MCF2L2: variants seen among roughly 807,000 people sequenced by gnomAD.
MCF2L2 encodes the protein probable guanine nucleotide exchange factor MCF2L2.
In MCF2L2, 102 loss-of-function variants were observed where a neutral mutation model predicts 150.2. The observed-to-expected ratio is 0.68, with a 90% confidence interval of 0.58 to 0.80. The LOEUF is 0.80. MCF2L2 is among the 30% of genes least tolerant of loss of function. The pLI, the probability that MCF2L2 is intolerant of heterozygous loss-of-function variation, is 0.00. For missense variants in MCF2L2, 1,256 were observed against 1,372.8 expected (o/e 0.91, Z 1.34); for synonymous variants, 465 against 491.3 (o/e 0.95, Z 0.71).
At position 183,270,338 on chromosome 3, in the gene MCF2L2, T is replaced by G; in HGVS notation, c.1862+6534A>C. The stretch of plus-strand genomic sequence containing the variant: ...TACTTATGCAGTTCAGTTGGGCAAA[T>G]ACCTATTGTCCACATGCCAAATTTC... On this transcript the variant is annotated intron_variant, in intron 15 of 29. Coordinates refer to ENST00000328913, the MANE Select transcript of MCF2L2 (RefSeq NM_015078.4). The surrounding 1 kb of genome is among the most constrained non-coding windows in gnomAD (Gnocchi z 4.5). 6.2e-7 allele frequency: 1 copy of G among 1,614,148 alleles called. No homozygotes were observed.
chr3:183,365,263 C>G (rs1263487214), intron 3 of MCF2L2, among the ~76,000 whole-genome samples: 1 of 152,120 alleles, frequency 6.6e-6, no homozygotes, highest in African/African-American at 2.4e-5. Flanking sequence ...TCACTTTGCC[C>G]TACACTGATT....
chr3:183,207,590 C>G lies in MCF2L2; in HGVS notation c.2712+18G>C, dbSNP rs375844872. The G allele has an allele frequency of 2.6e-5, 41 of 1,574,940 alleles. No homozygotes were observed. The African/African-American group carries it at 3.1e-4, about 12-fold the overall frequency. On this transcript the variant is annotated intron_variant, in intron 23 of 29. Coordinates refer to ENST00000328913, the MANE Select transcript of MCF2L2 (RefSeq NM_015078.4). The stretch of plus-strand genomic sequence containing the variant: ...TTCTGCATAGGGCGACTCCCAGATG[C>G]AATAGGACTCCCTTTACCTTCATGG...
chr3:183,324,337 T>A (rs1729939493), intron 5 of MCF2L2, among the ~76,000 whole-genome samples: 4 of 152,142 alleles, frequency 2.6e-5, no homozygotes, highest in Admixed American at 2.6e-4. Flanking sequence ...CTGGGTGTGG[T>A]TCTGGCTCAC....
intron 15 of MCF2L2, 81 bp downstream of exon 15, chr3:183,276,791 G>A (rs1166655379): frequency 1.0e-5 from 9 of 890,938 alleles, no homozygotes; most frequent in African/African-American, 1.7e-5. Flanking sequence ...AAAGACAGGT[G>A]CTGAGGTGTA....
intron 14 of MCF2L2, among the ~76,000 whole-genome samples, chr3:183,282,841 G>A (rs989343341): frequency 9.9e-5 from 15 of 152,190 alleles, no homozygotes; most frequent in Admixed American, 9.2e-4. Flanking sequence ...ACAGCTACAA[G>A]GCCAGTGGGT....
At chr3:183,344,317 T>C (rs554306388) in intron 3 of MCF2L2, among the ~76,000 whole-genome samples, 1 of 152,096 alleles carries the variant, frequency 6.6e-6, no homozygotes, top group African/African-American at 2.4e-5. Flanking sequence ...AACAGAATAC[T>C]GAAAATATTT....
intron 15 of MCF2L2, among the ~76,000 whole-genome samples, chr3:183,261,341 AT>A (rs1427669598): frequency 4.6e-5 from 7 of 152,318 alleles, no homozygotes; most frequent in African/African-American, 1.4e-4. Context: ...CCAGGAAAAA[AT>A]ACTTGGAATA....
chr3:183,181,144 G>A lies in MCF2L2; in HGVS notation c.3017-985C>T, dbSNP rs1373593717. Among the ~76,000 whole-genome samples, 1 of 152,228 alleles carries A rather than the reference G, an allele frequency of 6.6e-6. No individual in the cohort carries two copies. The highest frequency in any genetic ancestry group is 2.4e-5 in the African/African-American group (1 of 41,468). On this transcript the variant is annotated intron_variant, in intron 27 of 29. Coordinates refer to ENST00000328913, the MANE Select transcript of MCF2L2 (RefSeq NM_015078.4). The surrounding 1 kb of genome is among the most constrained non-coding windows in gnomAD (Gnocchi z 4.3). ...AGGACTGGAGAGGGAGGGCATTCTG[G>A]GCAGAGGCATGGCCAGAGGGCGGTA...
intron 1 of MCF2L2, among the ~76,000 whole-genome samples, chr3:183,418,286 C>T (rs1560067233): frequency 1.3e-5 from 2 of 149,836 alleles, no homozygotes; most frequent in South Asian, 2.1e-4. Flanking sequence ...ATCCAATCAC[C>T]TCCCAGGAGG....
rs1027348884 is a variant in MCF2L2, at chr3:183,295,441, C to T, written c.1534G>A (p.Val512Ile). ...AQKVLQRLDD[V>I]QEIFHKRQVS... ...TGCCTCTTGTGAAATATTTCCTGGA[C>T]ATCATCCAGCCTCTGCAAAACTTTC... The change falls in exon 13 of 30, where the codon GTC (valine) becomes ATC (isoleucine). Residue 512 changes from valine to isoleucine, a missense_variant. Coordinates refer to ENST00000328913, the MANE Select transcript of MCF2L2 (RefSeq NM_015078.4). 1 of 1,614,102 alleles carries T rather than the reference C, an allele frequency of 6.2e-7. No individual in the cohort carries two copies. The highest frequency in any genetic ancestry group is 8.5e-7 in the Non-Finnish European group (1 of 1,180,002).
intron 14 of MCF2L2, among the ~76,000 whole-genome samples, chr3:183,284,041 T>C (rs114052360): frequency 0.02 from 3,020 of 152,300 alleles, 60 homozygotes; most frequent in East Asian, 0.052. Flanking sequence ...TTCATATGAC[T>C]CACAGCAATT....
intron 1 of MCF2L2, among the ~76,000 whole-genome samples, chr3:183,417,119 A>G (rs1470074628): frequency 1.8e-5 from 2 of 109,114 alleles, no homozygotes; most frequent in African/African-American, 4.3e-5. Flanking sequence ...CTGTCTCAAA[A>G]AAAAAAAAAA....
At chr3:183,239,275 GC>G (rs2108680442) in intron 15 of MCF2L2, among the ~76,000 whole-genome samples, 1 of 152,094 alleles carries the variant, frequency 6.6e-6, no homozygotes, top group Admixed American at 6.5e-5. Context: ...CAAAACAGAC[GC>G]CGCCCTTAGC....
intron 15 of MCF2L2, among the ~76,000 whole-genome samples, chr3:183,235,277 A>T (rs1184698596): frequency 2.8e-4 from 10 of 36,194 alleles, no homozygotes; most frequent in Non-Finnish European, 3.6e-4. Flanking sequence ...CGCCACACTG[A>T]CTTCCACAAT....
At chr3:183,364,608 A>G (rs1712418384) in intron 3 of MCF2L2, among the ~76,000 whole-genome samples, 1 of 152,168 alleles carries the variant, frequency 6.6e-6, no homozygotes, top group African/African-American at 2.4e-5. Flanking sequence ...TCAAATTCCT[A>G]CTTTTAAAAT....
intron 25 of MCF2L2, among the ~76,000 whole-genome samples, chr3:183,202,479 T>C (rs1722323209): frequency 6.6e-6 from 1 of 152,234 alleles, no homozygotes; most frequent in Non-Finnish European, 1.5e-5. Context: ...CCCACGATCT[T>C]ACCTCTGGCT....
At chr3:183,412,462 C>A (rs1715364332) in intron 1 of MCF2L2, among the ~76,000 whole-genome samples, 1 of 152,110 alleles carries the variant, frequency 6.6e-6, no homozygotes, top group Admixed American at 6.5e-5. Flanking sequence ...CCACACCCAG[C>A]TGATTTTTGT....
At chr3:183,403,925 A>C (rs1014307975) in intron 1 of MCF2L2, among the ~76,000 whole-genome samples, 2 of 152,240 alleles carry the variant, frequency 1.3e-5, no homozygotes, top group African/African-American at 4.8e-5. Flanking sequence ...GGGAAGAGGA[A>C]AAGGGAAAGA....
At chr3:183,379,982 A>T (rs577976108) in intron 2 of MCF2L2, among the ~76,000 whole-genome samples, 1 of 152,232 alleles carries the variant, frequency 6.6e-6, no homozygotes, top group Admixed American at 6.5e-5. Flanking sequence ...TGACAGCACA[A>T]ATGAGAAGCA....
Sources: allele counts gnomAD v4.1 joint callset (sites outside exome capture counted in the v4.1 genomes callset), GRCh38; gene constraint gnomAD v4.1.1; non-coding constraint Gnocchi (gnomAD v3.1); transcripts MANE v1.5; gene names NCBI Gene and HGNC (gene_info 2026-07-23, HGNC 2026-07-21).